The following RBM28 variants were observed in gnomAD, a reference collection of about 807,000 sequenced individuals.
RBM28 encodes the protein RNA binding motif protein 28, also known as RNA-binding protein 28.
In RBM28, 78 loss-of-function variants were observed where a neutral mutation model predicts 98.3. That is an observed-to-expected ratio of 0.79 (90% CI 0.66 to 0.96). The LOEUF is 0.96. RBM28 is among the 40% of genes least tolerant of loss of function. The probability of loss-of-function intolerance (pLI) is 0.00; values close to 1 mark genes in which losing one functional copy is unlikely to be tolerated. For synonymous variants in RBM28, 306 were observed against 330.9 expected (o/e 0.92, Z 0.82); for missense variants, 838 against 913.0 (o/e 0.92, Z 1.06).
In RBM28 at chr7:128,305,513, G is replaced by A. The variant is rs12706848; in HGVS notation, c.*5284C>T. The A allele has an allele frequency of 0.31, 46,890 of 152,076 alleles. 8,412 individuals are homozygous for A. The highest frequency in any genetic ancestry group is 0.6 in the East Asian group (3,062 of 5,146). 9.4% of individuals were successfully genotyped at this position (152,076 alleles called of 1,614,324 possible). ...AATTTTTTCTTTTTTTGTAGAGGTG[G>A]GATCTTGCTATGTTGCCCAGGCTAG... On this transcript the variant is annotated 3_prime_UTR_variant, in exon 19 of 19. Coordinates refer to ENST00000223073, the MANE Select transcript of RBM28 (RefSeq NM_018077.3).
At chr7:128,334,752 T>C (rs903946942) in intron 8 of RBM28, among the ~76,000 whole-genome samples, 3 of 152,222 alleles carry the variant, frequency 2.0e-5, no homozygotes, top group Non-Finnish European at 4.4e-5. Context: ...AATTCATACA[T>C]TGAAGCCCTA....
At position 128,335,945 on chromosome 7, in the gene RBM28, G is replaced by A. The variant is rs1329344712; in HGVS notation, c.711C>T (p.Asp237=). Residue 237 remains aspartate (D), a synonymous_variant, in exon 7 of 19, where the codon GAC becomes GAT. Coordinates refer to ENST00000223073, the MANE Select transcript of RBM28 (RefSeq NM_018077.3). ...DMEEEENDDD[D]DDDDEEDGVF... ...CCCCATCTTCTTCATCATCATCATC[G>A]TCATCATCATCGTTTTCTTCCTCTT... The A allele has an allele frequency of 2.0e-5, 32 of 1,601,882 alleles. No individual in the cohort carries two copies. The highest frequency in any genetic ancestry group is 1.7e-4 in the Middle Eastern group (1 of 6,058).
chr7:128,340,747 G>A (rs1796707170), intron 1 of RBM28, among the ~76,000 whole-genome samples: 1 of 152,202 alleles, frequency 6.6e-6, no homozygotes, highest in Admixed American at 6.5e-5. Flanking sequence ...CGCCTTAGCT[G>A]TCGATATCAA....
intron 14 of RBM28, among the ~76,000 whole-genome samples, chr7:128,318,729 C>T (rs1796159408): frequency 1.3e-5 from 2 of 152,058 alleles, no homozygotes; most frequent in Admixed American, 6.5e-5. Context: ...AAAACAAACA[C>T]AATACAAACA....
intron 16 of RBM28, among the ~76,000 whole-genome samples, chr7:128,315,721 A>AG (rs1286021227): frequency 3.9e-5 from 6 of 152,192 alleles, no homozygotes; most frequent in Non-Finnish European, 7.3e-5. Flanking sequence ...AGAAAAAAAA[A>AG]TCACCAACCT....
intron 14 of RBM28, among the ~76,000 whole-genome samples, chr7:128,318,696 T>G (rs1054211827): frequency 6.6e-6 from 1 of 152,024 alleles, no homozygotes; most frequent in African/African-American, 2.4e-5. Flanking sequence ...TAAAGAAAAT[T>G]TATAAAGCGG....
At chr7:128,323,614 C>T (rs747856140) in intron 12 of RBM28, 23 bp from the exon 13 acceptor site, 9 of 1,613,942 alleles carry the variant, frequency 5.6e-6, no homozygotes, top group South Asian at 2.2e-5. Context: ...GGAAAAAGGC[C>T]AAGACATCAA....
intron 11 of RBM28, among the ~76,000 whole-genome samples, chr7:128,325,127 C>T (rs945133328): frequency 2.6e-5 from 4 of 152,218 alleles, no homozygotes; most frequent in Non-Finnish European, 5.9e-5. Context: ...ACATCAATTA[C>T]GCTATGGAAG....
rs1028820846 is a variant in RBM28, at chr7:128,340,725, C to T, written c.119-934G>A. On this transcript the variant is annotated intron_variant, in intron 1 of 18. Coordinates refer to ENST00000223073, the MANE Select transcript of RBM28 (RefSeq NM_018077.3). ...TCAGAGAGACTGCAGATGTTATGAC[C>T]ACTATTACCAACGCCTTAGCTGTCG... is the stretch of plus-strand genomic sequence containing the variant. Among the ~76,000 whole-genome samples the T allele has an allele frequency of 3.3e-5, 5 of 152,286 alleles. No individual in the cohort carries two copies. In the East Asian group the frequency reaches 7.7e-4, roughly 23 times the overall value.
At chr7:128,339,599 G>A in intron 2 of RBM28, 34 bp downstream of exon 2, 1 of 1,603,644 alleles carries the variant, frequency 6.2e-7, no homozygotes, top group Non-Finnish European at 8.5e-7. Flanking sequence ...CCTCACCCTG[G>A]GAGAAAAACT....
In RBM28 at chr7:128,304,471, G is replaced by A. The variant is rs1455484876; in HGVS notation, c.*6326C>T. 4 of 152,238 alleles carry A rather than the reference G, an allele frequency of 2.6e-5. No homozygotes were observed. The highest frequency in any genetic ancestry group is 5.9e-5 in the Non-Finnish European group (4 of 68,070). The allele number at this position is 152,238 out of a possible 1,614,324, so 9.4% of individuals were successfully genotyped here. A position where few individuals can be genotyped will look rare whatever the true frequency, so the allele number is the denominator to read the frequency against. ...TTTCCACCCCATTGACAGGCTTGGA[G>A]TCTTGAGTACCATCTGGGTGGGTGG... is the stretch of plus-strand genomic sequence containing the variant. On this transcript the variant is annotated 3_prime_UTR_variant, in exon 19 of 19. Coordinates refer to ENST00000223073, the MANE Select transcript of RBM28 (RefSeq NM_018077.3).
chr7:128,313,084 TTTC>T, intron 18 of RBM28, 88 bp downstream of exon 18: 1 of 1,310,838 alleles, frequency 7.6e-7, no homozygotes, highest in East Asian at 2.3e-5. Flanking sequence ...TCTTTCTTTT[TTTC>T]TTTTTTGCTC....
At position 128,303,818 on chromosome 7, in the gene RBM28, G is replaced by A. The variant is rs1425352613; in HGVS notation, c.*6979C>T. 6.6e-6 allele frequency: 1 copy of A among 152,208 alleles called. No homozygotes were observed. Among genetic ancestry groups the A allele is most frequent in the East Asian group, 1.9e-4 (1 of 5,200 alleles). 9.4% of individuals were successfully genotyped at this position (152,208 alleles called of 1,614,324 possible). A position where few individuals can be genotyped will look rare whatever the true frequency, so the allele number is the denominator to read the frequency against. On this transcript the variant is annotated 3_prime_UTR_variant, in exon 19 of 19. Coordinates refer to ENST00000223073, the MANE Select transcript of RBM28 (RefSeq NM_018077.3). ...CATAGGTCATTATTCTTCCCAGGCGGGGTCAACTTCCTCTATTAACACCCA... is the reference window on the plus strand; with the variant it reads ...CATAGGTCATTATTCTTCCCAGGCGAGGTCAACTTCCTCTATTAACACCCA...
At chr7:128,335,818 G>C in intron 7 of RBM28, 29 bp downstream of exon 7, 1 of 1,613,990 alleles carries the variant, frequency 6.2e-7, no homozygotes, top group East Asian at 2.2e-5. Flanking sequence ...ATCTTCCTCT[G>C]CTGTCTCAGA....
At chr7:128,326,412 T>G (rs370864391) in intron 10 of RBM28, among the ~76,000 whole-genome samples, 15 of 152,260 alleles carry the variant, frequency 9.9e-5, no homozygotes, top group African/African-American at 3.1e-4. Flanking sequence ...GGATCTGCCC[T>G]ATACAGTTGT....
chr7:128,315,646 T>G (rs1206758163), intron 16 of RBM28, among the ~76,000 whole-genome samples: 6 of 151,970 alleles, frequency 3.9e-5, no homozygotes, highest in African/African-American at 1.5e-4. Context: ...TTCCAAGACT[T>G]CTCTTCAGAA....
chr7:128,331,234 C>T (rs1020817154), intron 9 of RBM28, among the ~76,000 whole-genome samples: 5 of 151,628 alleles, frequency 3.3e-5, no homozygotes, highest in Non-Finnish European at 7.4e-5. Context: ...ATTTCTACAT[C>T]TTGATCTGGG....
rs778266140 is a variant in RBM28, at chr7:128,335,698, G to C, written c.810-19C>G. 2.5e-6 allele frequency: 4 copies of C among 1,614,000 alleles called. No homozygotes were observed. The highest frequency in any genetic ancestry group is 3.4e-6 in the Non-Finnish European group (4 of 1,180,032). On this transcript the variant is annotated intron_variant, in intron 7 of 18. Coordinates refer to ENST00000223073, the MANE Select transcript of RBM28 (RefSeq NM_018077.3). ...GACTGCTCTGCAATGGCACAGATCA[G>C]AACTAAGGAGGTGGGCTGACAGAGG...
intron 8 of RBM28, among the ~76,000 whole-genome samples, chr7:128,334,591 C>A (rs974937231): frequency 1.3e-5 from 2 of 152,054 alleles, no homozygotes; most frequent in East Asian, 3.9e-4. Context: ...ATCAAAGAAC[C>A]AGTTATTAGC....
Sources: allele counts gnomAD v4.1 joint callset (sites outside exome capture counted in the v4.1 genomes callset), GRCh38; gene constraint gnomAD v4.1.1; transcripts MANE v1.5; gene names NCBI Gene and HGNC (gene_info 2026-07-23, HGNC 2026-07-21).